Variants in SPMAP2L observed in about 807,000 individuals in gnomAD.
SPMAP2L encodes the protein sperm microtubule associated protein 2-like.
chr4:56,621,617 T>G, the SPMAP2L span, among the ~76,000 whole-genome samples: 1 of 152,224 alleles, frequency 6.6e-6, no homozygotes, highest in Non-Finnish European at 1.5e-5. Context: ...TGATGCTGAT[T>G]GAACACAATT....
At chr4:56,532,556 T>G in the SPMAP2L span, among the ~76,000 whole-genome samples, 7 of 152,158 alleles carry the variant, frequency 4.6e-5, no homozygotes, top group Non-Finnish European at 8.8e-5. Flanking sequence ...CCCATGTCAT[T>G]TTCAGACTCT....
the SPMAP2L span, chr4:56,575,724 G>T: frequency 1.5e-6 from 2 of 1,345,546 alleles, no homozygotes; most frequent in South Asian, 2.8e-5. Context: ...TTTAGTGTGT[G>T]CAATTTCATG....
At chr4:56,540,102 T>C in the SPMAP2L span, among the ~76,000 whole-genome samples, 2 of 152,368 alleles carry the variant, frequency 1.3e-5, no homozygotes, top group East Asian at 3.9e-4. Flanking sequence ...CTTATGTTCA[T>C]TGAGTGTTTT....
the SPMAP2L span, among the ~76,000 whole-genome samples, chr4:56,597,375 C>G: frequency 1.3e-5 from 2 of 152,144 alleles, no homozygotes; most frequent in African/African-American, 4.8e-5. Context: ...GATGGCTTCC[C>G]TCCCTCTTCA....
At chr4:56,603,209 G>A in the SPMAP2L span, 1 of 1,509,102 alleles carries the variant, frequency 6.6e-7, no homozygotes, top group South Asian at 1.3e-5. Context: ...CCTATTTCAG[G>A]GCTCCTGTGC....
chr4:56,544,584 T>C, the SPMAP2L span, among the ~76,000 whole-genome samples: 1 of 152,206 alleles, frequency 6.6e-6, no homozygotes, highest in Non-Finnish European at 1.5e-5. Context: ...TGTTGCTCCT[T>C]GTATAACACC....
chr4:56,571,389 T>C, the SPMAP2L span, among the ~76,000 whole-genome samples: 1 of 151,354 alleles, frequency 6.6e-6, no homozygotes, highest in Non-Finnish European at 1.5e-5. Context: ...CTCAGCTCAC[T>C]GTAACCGCAG....
chr4:56,568,502 A>C, the SPMAP2L span, among the ~76,000 whole-genome samples: 1 of 152,174 alleles, frequency 6.6e-6, no homozygotes, highest in African/African-American at 2.4e-5. Flanking sequence ...TATTGTGATT[A>C]ATTCACTTAC....
chr4:56,593,272 G>A, the SPMAP2L span: 71 of 1,193,812 alleles, frequency 5.9e-5, no homozygotes, highest in East Asian at 7.5e-4. Flanking sequence ...GGCTGCAGAG[G>A]CGCTGCAGCT....
chr4:56,593,102 C>A, the SPMAP2L span: 1 of 1,577,110 alleles, frequency 6.3e-7, no homozygotes, highest in African/African-American at 1.3e-5. Context: ...GACGATTTTG[C>A]GGAACTTACT....
the SPMAP2L span, among the ~76,000 whole-genome samples, chr4:56,625,822 G>C: frequency 6.6e-6 from 1 of 152,156 alleles, no homozygotes; most frequent in African/African-American, 2.4e-5. Flanking sequence ...TATTTTATTT[G>C]TATGTAGTTC....
At chr4:56,610,494 A>T in the SPMAP2L span, among the ~76,000 whole-genome samples, 1 of 152,214 alleles carries the variant, frequency 6.6e-6, no homozygotes. Context: ...TATAAAAATT[A>T]TAGAAGGTAA....
chr4:56,575,570 T>G, the SPMAP2L span: 2 of 1,535,468 alleles, frequency 1.3e-6, no homozygotes, highest in Non-Finnish European at 1.7e-6. Flanking sequence ...CCTGCATTGT[T>G]TAGACAACCC....
At chr4:56,530,699 G>A in the SPMAP2L span, 1 of 1,535,170 alleles carries the variant, frequency 6.5e-7, no homozygotes, top group South Asian at 1.2e-5. Context: ...GAGTTTCTAA[G>A]TTCATCTGCG....
chr4:56,614,464 G>C, the SPMAP2L span, among the ~76,000 whole-genome samples: 1 of 152,042 alleles, frequency 6.6e-6, no homozygotes. Flanking sequence ...AGACCAGCCT[G>C]GCCAACATGG....
At chr4:56,619,818 G>A in the SPMAP2L span, among the ~76,000 whole-genome samples, 1 of 152,180 alleles carries the variant, frequency 6.6e-6, no homozygotes, top group Non-Finnish European at 1.5e-5. Flanking sequence ...CAAACTATTT[G>A]ATAAGGGGTT....
At chr4:56,585,711 A>G in the SPMAP2L span, among the ~76,000 whole-genome samples, 8 of 152,198 alleles carry the variant, frequency 5.3e-5, no homozygotes, top group Non-Finnish European at 1.0e-4. Flanking sequence ...CTTAGAAGCA[A>G]CCAAGCAATC....
chr4:56,572,645 T>C, the SPMAP2L span, among the ~76,000 whole-genome samples: 1 of 152,244 alleles, frequency 6.6e-6, no homozygotes. Flanking sequence ...TCTCTTAAAC[T>C]TCTTTATTTT....
chr4:56,605,690 A>G, the SPMAP2L span, among the ~76,000 whole-genome samples: 1 of 151,848 alleles, frequency 6.6e-6, no homozygotes, highest in Admixed American at 6.6e-5. Context: ...TCCTCACCCA[A>G]CCCCCTTTCG....
Sources: gnomAD v4.1 joint callset for allele counts (sites outside exome capture counted in the v4.1 genomes callset) on GRCh38, gnomAD v4.1.1 for gene constraint, MANE v1.5 for transcripts, NCBI Gene and HGNC (gene_info 2026-07-23, HGNC 2026-07-21) for gene names.